The following FMN1 variants were observed in gnomAD, a reference collection of about 807,000 sequenced individuals.
The protein encoded by FMN1 is formin 1, also known as formin-1.
Under a neutral mutation model 132.4 loss-of-function variants are expected in FMN1, and 110 were observed. That is an observed-to-expected ratio of 0.83 (90% CI 0.71 to 0.97). FMN1 has a LOEUF of 0.97. Ranked by LOEUF, FMN1 falls within the 50% of genes least tolerant of loss-of-function variation. The pLI is 0.00. For missense variants in FMN1, 1,792 were observed against 1,705.3 expected (o/e 1.05, Z -0.90); for synonymous variants, 722 against 651.7 (o/e 1.11, Z -1.64).
chr15:32,944,395 A>G (rs768886411), intron 9 of FMN1, among the ~76,000 whole-genome samples: 10 of 152,198 alleles, frequency 6.6e-5, no homozygotes, highest in Non-Finnish European at 1.3e-4. Flanking sequence ...GGCCTCTGGG[A>G]AGAAGCCTCT....
intron 16 of FMN1, among the ~76,000 whole-genome samples, chr15:32,864,445 A>T (rs1339388973): frequency 1.3e-5 from 2 of 152,234 alleles, no homozygotes; most frequent in Admixed American, 1.3e-4. Context: ...AAATCAGACA[A>T]CTGTGCATTA....
chr15:32,964,510 A>G (rs1473903314), intron 8 of FMN1, among the ~76,000 whole-genome samples: 1 of 152,234 alleles, frequency 6.6e-6, no homozygotes, highest in Non-Finnish European at 1.5e-5. Context: ...ATAGAGCTCT[A>G]CAGAAACTCC....
At chr15:33,123,379 T>TGC (rs1177959317) in intron 4 of FMN1, among the ~76,000 whole-genome samples, 2 of 152,166 alleles carry the variant, frequency 1.3e-5, no homozygotes, top group Non-Finnish European at 2.9e-5. Context: ...CAAAGCCTAC[T>TGC]GCACTATATA....
intron 9 of FMN1, among the ~76,000 whole-genome samples, chr15:32,947,157 G>A (rs2061527621): frequency 6.6e-6 from 1 of 151,962 alleles, no homozygotes; most frequent in Non-Finnish European, 1.5e-5. Flanking sequence ...ATTATTAAAT[G>A]TTTCCTTTCT....
At chr15:33,180,914 C>T (rs1186612753) in intron 2 of FMN1, among the ~76,000 whole-genome samples, 1 of 152,008 alleles carries the variant, frequency 6.6e-6, no homozygotes, top group African/African-American at 2.4e-5. Context: ...CCACGCTCAG[C>T]TAATTTTGGT....
intron 8 of FMN1, among the ~76,000 whole-genome samples, chr15:32,967,244 C>A (rs2031326964): frequency 6.6e-6 from 1 of 152,170 alleles, no homozygotes; most frequent in Admixed American, 6.5e-5. Flanking sequence ...GGGTGAAGGG[C>A]CCACATCTCC....
chr15:33,193,434 C>T (rs1966149152), intron 2 of FMN1, among the ~76,000 whole-genome samples: 1 of 152,086 alleles, frequency 6.6e-6, no homozygotes, highest in African/African-American at 2.4e-5. Flanking sequence ...CCCCTCCGCC[C>T]CCCTGCCAAT....
chr15:33,159,779 A>G (rs1292006082), intron 3 of FMN1, among the ~76,000 whole-genome samples: 1 of 152,224 alleles, frequency 6.6e-6, no homozygotes, highest in Admixed American at 6.5e-5. Flanking sequence ...AAACAGAGGA[A>G]GATATAGGAG....
chr15:33,111,556 CA>C (rs1164321511), intron 4 of FMN1, among the ~76,000 whole-genome samples: 1 of 152,108 alleles, frequency 6.6e-6, no homozygotes, highest in Non-Finnish European at 1.5e-5. Context: ...GCATAATAGC[CA>C]AAAGGTGGAA....
intron 16 of FMN1, among the ~76,000 whole-genome samples, chr15:32,872,040 C>CTTT (rs11311528): frequency 7.1e-6 from 1 of 140,938 alleles, no homozygotes. Flanking sequence ...GAAAGTAGCT[C>CTTT]TTTTTTTTTT....
chr15:33,002,041 A>C (rs2034150050), intron 7 of FMN1, among the ~76,000 whole-genome samples: 1 of 152,178 alleles, frequency 6.6e-6, no homozygotes, highest in Non-Finnish European at 1.5e-5. Flanking sequence ...GTATGGTTAA[A>C]ACAAAATGGA....
At chr15:32,904,884 C>T (rs1193567531) in intron 12 of FMN1, among the ~76,000 whole-genome samples, 2 of 152,182 alleles carry the variant, frequency 1.3e-5, no homozygotes, top group Non-Finnish European at 2.9e-5. Context: ...TGCCCCATTA[C>T]TGTTTTATCC....
Position 32,888,409 on chromosome 15 carries a change from CAT to C in FMN1, c.3715-119_3715-118del, listed in dbSNP as rs1352508332. 17 of 832,642 alleles carry C rather than the reference CAT, an allele frequency of 2.0e-5. No individual in the cohort carries two copies. In the Admixed American group the frequency reaches 3.3e-4, roughly 16 times the overall value. The allele number at this position is 832,642 out of a possible 1,614,324, so 51.6% of individuals were successfully genotyped here. On this transcript the variant is annotated intron_variant, in intron 15 of 20. Transcript: ENST00000616417. ...TTTTATTGGATGTCTGAGTAAGAATCATAGCAATGCTCCTCTGCTATTCCTAA... is the reference window on the plus strand; with the variant it reads ...TTTTATTGGATGTCTGAGTAAGAATCAGCAATGCTCCTCTGCTATTCCTAA...
At chr15:33,099,169 T>G (rs2039198328) in intron 4 of FMN1, among the ~76,000 whole-genome samples, 1 of 152,116 alleles carries the variant, frequency 6.6e-6, no homozygotes, top group African/African-American at 2.4e-5. Context: ...CGCGCACCTG[T>G]AGTCTCAGCT....
chr15:33,079,443 T>C (rs925914022), intron 5 of FMN1, among the ~76,000 whole-genome samples: 1 of 152,164 alleles, frequency 6.6e-6, no homozygotes, highest in African/African-American at 2.4e-5. Flanking sequence ...GCCAACATGG[T>C]GAAACCCTGT....
chr15:33,054,807 C>G (rs28592957), intron 6 of FMN1, among the ~76,000 whole-genome samples: 41,347 of 152,096 alleles, frequency 0.27, 5,843 homozygotes, highest in Non-Finnish European at 0.31. Context: ...TTATTTAAAA[C>G]TCTATATTGC....
At chr15:32,898,389 A>G (rs2141577415) in intron 15 of FMN1, among the ~76,000 whole-genome samples, 1 of 152,364 alleles carries the variant, frequency 6.6e-6, no homozygotes, top group South Asian at 2.1e-4. Context: ...CTCTAAGCAG[A>G]AAAGATGGAT....
rs1230530145 is a variant in FMN1, at chr15:32,969,482, A to G, written c.2224-5T>C. 5 of 1,611,746 alleles carry G rather than the reference A, an allele frequency of 3.1e-6. No individual in the cohort carries two copies. The South Asian group carries it at 4.4e-5, about 14-fold the overall frequency. On this transcript the variant is annotated splice_polypyrimidine_tract_variant and splice_region_variant and intron_variant, in intron 7 of 20. Transcript: ENST00000616417. ...TGCCCGAAGTTCAAACTGTGCCTAT[A>G]GGAAAATTCAGAGGGAAAGAAAGTA...
intron 6 of FMN1, among the ~76,000 whole-genome samples, chr15:33,059,887 G>T (rs143046025): frequency 6.6e-6 from 1 of 152,152 alleles, no homozygotes; most frequent in Non-Finnish European, 1.5e-5. Flanking sequence ...TGTGATTCTT[G>T]AGTCTCCAGT....
Sources: gnomAD v4.1 joint callset for allele counts (sites outside exome capture counted in the v4.1 genomes callset) on GRCh38, gnomAD v4.1.1 for gene constraint, MANE v1.5 for transcripts, NCBI Gene and HGNC (gene_info 2026-07-23, HGNC 2026-07-21) for gene names.